OTOA: variants seen among roughly 807,000 people sequenced by gnomAD.
OTOA encodes cancer/testis antigen 108.
OTOA carries 70 observed loss-of-function variants against 110.8 expected under a neutral mutation model. The observed-to-expected ratio is 0.63, with a 90% CI of 0.52 to 0.77. OTOA has a LOEUF of 0.77. Among genes scored for constraint, OTOA ranks in the 30% least tolerant of loss-of-function variants. OTOA has a pLI of 0.00. For synonymous variants in OTOA, 373 were observed against 431.5 expected, an observed-to-expected ratio of 0.86 and a Z score of 1.68; for missense variants, 917 against 1,075.8, an observed-to-expected ratio of 0.85 and a Z score of 2.06.
At position 21,705,159 on chromosome 16, in the gene OTOA, T is replaced by C. The variant is rs753217341; in HGVS notation, c.981-10T>C. 1 of 1,614,162 alleles carries C rather than the reference T, an allele frequency of 6.2e-7. No homozygotes were observed. The highest frequency in any genetic ancestry group is 8.5e-7 in the Non-Finnish European group (1 of 1,180,026). On this transcript the variant is annotated splice_polypyrimidine_tract_variant and intron_variant, in intron 11 of 28. Coordinates refer to ENST00000646100, the MANE Select transcript of OTOA (RefSeq NM_144672.4). ...ACACCTCCACCACCATCCCTCCTCT[T>C]CTCACACAGGCTGGGGCTGCTGGTT...
chr16:21,685,366 G>A lies in OTOA; in HGVS notation c.399+5G>A. ...GAAGACAAGAAGGACGGCTTGGTGA[G>A]GAGCCCTTGGCATCCCGGGGATAGA... On this transcript the variant is annotated splice_donor_5th_base_variant and intron_variant, in intron 7 of 28. Transcript: ENST00000646100. The A allele has an allele frequency of 6.2e-7, 1 of 1,610,308 alleles. No individual in the cohort carries two copies. Among genetic ancestry groups the A allele is most frequent in the Non-Finnish European group, 8.5e-7 (1 of 1,177,750 alleles).
At chr16:21,675,744 C>T (rs1294030614) in intron 1 of OTOA, among the ~76,000 whole-genome samples, 2 of 152,168 alleles carry the variant, frequency 1.3e-5, no homozygotes, top group South Asian at 4.1e-4. Context: ...CCATGTCTCT[C>T]CCTTTAACAT....
chr16:21,685,476 TC>T, intron 7 of OTOA, 115 bp downstream of exon 7: 1 of 1,420,382 alleles, frequency 7.0e-7, no homozygotes, highest in Non-Finnish European at 9.6e-7. Flanking sequence ...TCTTCCTCTC[TC>T]CTTCTGCCTC....
chr16:21,678,348 A>T (rs1173301589), intron 1 of OTOA, among the ~76,000 whole-genome samples, 163 bp from the exon 2 acceptor site: 1 of 152,006 alleles, frequency 6.6e-6, no homozygotes, highest in Non-Finnish European at 1.5e-5. Flanking sequence ...AATTATTTTT[A>T]AAAAAGACTT....
At chr16:21,707,753 TTCCC>T (rs1487305667) in intron 12 of OTOA, among the ~76,000 whole-genome samples, 4 of 104,688 alleles carry the variant, frequency 3.8e-5, no homozygotes, top group South Asian at 8.2e-4. Flanking sequence ...TCTTTCCTCC[TTCCC>T]TCCCTCCCTC....
intron 9 of OTOA, among the ~76,000 whole-genome samples, chr16:21,693,822 T>G (rs1897880733): frequency 6.6e-6 from 1 of 152,146 alleles, no homozygotes; most frequent in Non-Finnish European, 1.5e-5. Context: ...CAGATCCACC[T>G]GGCTTGGCCT....
chr16:21,749,591 G>A (rs1467635073), intron 24 of OTOA, among the ~76,000 whole-genome samples: 22 of 144,662 alleles, frequency 1.5e-4, no homozygotes, highest in South Asian at 1.3e-3. Context: ...TGTGATTTTC[G>A]CTTCCACTTA....
intron 14 of OTOA, 104 bp downstream of exon 14, chr16:21,715,256 G>T: frequency 2.0e-6 from 3 of 1,489,054 alleles, no homozygotes; most frequent in East Asian, 2.3e-5. Flanking sequence ...GGCTGGGATT[G>T]TCTCAGCTGT....
intron 20 of OTOA, chr16:21,730,030 G>A (rs1306281813): frequency 2.0e-5 from 3 of 152,146 alleles, no homozygotes; most frequent in Non-Finnish European, 2.9e-5. Context: ...TGTGTTTGCT[G>A]GGTTATATGG....
intron 1 of OTOA, among the ~76,000 whole-genome samples, chr16:21,668,801 C>A (rs1406263488): frequency 6.6e-6 from 1 of 151,992 alleles, no homozygotes; most frequent in Non-Finnish European, 1.5e-5. Context: ...AGTCTAGATT[C>A]TACAAGTGAT....
chr16:21,678,098 C>T (rs1010412583), intron 1 of OTOA, among the ~76,000 whole-genome samples: 20 of 151,870 alleles, frequency 1.3e-4, no homozygotes, highest in Non-Finnish European at 5.9e-5. Context: ...GTTGGCCAGG[C>T]TGGTCTCGAA....
intron 14 of OTOA, among the ~76,000 whole-genome samples, chr16:21,715,630 T>C (rs1418261241): frequency 6.6e-6 from 1 of 151,824 alleles, no homozygotes; most frequent in East Asian, 1.9e-4. Context: ...ATGGTCTTGC[T>C]ATGTTGCGCA....
chr16:21,721,645 T>C lies in OTOA; in HGVS notation c.1807-1260T>C, dbSNP rs1288458677. The C allele has an allele frequency of 1.9e-5, 7 of 367,346 alleles. No individual in the cohort carries two copies. In the East Asian group the frequency reaches 4.4e-4, roughly 23 times the overall value. The allele number at this position is 367,346 out of a possible 1,614,324, so 22.8% of individuals were successfully genotyped here. A position where few individuals can be genotyped will look rare whatever the true frequency, so the allele number is the denominator to read the frequency against. On this transcript the variant is annotated intron_variant, in intron 17 of 28. Transcript: ENST00000646100. ...GACTCATGCCTGTAATTCTAGCACT[T>C]TGGGAGGCTGAAGTGGGAGGTTCAT...
At chr16:21,737,931 G>C (rs1452607573) in intron 22 of OTOA, among the ~76,000 whole-genome samples, 1 of 152,312 alleles carries the variant, frequency 6.6e-6, no homozygotes, top group African/African-American at 2.4e-5. Flanking sequence ...GTCAGTGCTT[G>C]CTTTCATCCA....
rs1009870098 is a variant in OTOA at position 21,678,434 on chromosome 16, GTA to G, written c.-4-69_-4-68del. On this transcript the variant is annotated intron_variant, in intron 1 of 28. Coordinates refer to ENST00000646100, the MANE Select transcript of OTOA (RefSeq NM_144672.4). ...TATATATATATATGTTTATATACAT[GTA>G]TATATATGTGTGTGTGTGTATATAT... 117 of 888,290 alleles carry G rather than the reference GTA, an allele frequency of 1.3e-4. 1 individual carries two copies. Among genetic ancestry groups the G allele is most frequent in the Middle Eastern group, 3.3e-4 (1 of 2,992 alleles). The allele number at this position is 888,290 out of a possible 1,614,324, so 55.0% of individuals were successfully genotyped here. A position where few individuals can be genotyped will look rare whatever the true frequency, so the allele number is the denominator to read the frequency against.
chr16:21,728,399 T>C lies in OTOA; in HGVS notation c.2175T>C (p.Ala725=), dbSNP rs756231873. The C allele has an allele frequency of 7.4e-6, 12 of 1,613,990 alleles. No homozygotes were observed. Among genetic ancestry groups the C allele is most frequent in the Non-Finnish European group, 9.3e-6 (11 of 1,180,008 alleles). The change falls in exon 20 of 29, where the codon GCT becomes GCC. Residue 725 remains alanine, a synonymous_variant. Coordinates refer to ENST00000646100, the MANE Select transcript of OTOA (RefSeq NM_144672.4). ...DCPDLNPEQK[A]AVRLKLLGQY... ...CAGACCTCAACCCTGAGCAAAAGGC[T>C]GCAGTGAGGCTCAAGCTCCTGGGAC...
intron 22 of OTOA, among the ~76,000 whole-genome samples, chr16:21,738,408 AC>A (rs1356159510): frequency 3.4e-5 from 4 of 119,158 alleles, no homozygotes; most frequent in Non-Finnish European, 7.4e-5. Context: ...ATTTGTGTCT[AC>A]CTTGGGTGAT....
intron 1 of OTOA, among the ~76,000 whole-genome samples, chr16:21,670,417 C>T (rs994027342): frequency 2.6e-5 from 4 of 152,238 alleles, no homozygotes; most frequent in African/African-American, 4.8e-5. Context: ...TTCATTCCTT[C>T]ACTTCCTGAG....
intron 12 of OTOA, among the ~76,000 whole-genome samples, chr16:21,708,801 A>G (rs993312232): frequency 1.3e-5 from 2 of 152,138 alleles, no homozygotes; most frequent in African/African-American, 2.4e-5. Context: ...AATATGAACC[A>G]TTCTTGTTTT....
Sources: gnomAD v4.1 joint callset for allele counts (sites outside exome capture counted in the v4.1 genomes callset) on GRCh38, gnomAD v4.1.1 for gene constraint, MANE v1.5 for transcripts, NCBI Gene and HGNC (gene_info 2026-07-23, HGNC 2026-07-21) for gene names.